The following EXOC2 variants were observed in gnomAD, a reference collection of about 807,000 sequenced individuals.
EXOC2 encodes SEC5-like 1.
EXOC2 carries 70 observed loss-of-function variants against 131.8 expected under a neutral mutation model. The ratio of observed to expected loss-of-function variants is 0.53; its 90% CI spans 0.44 to 0.65. The LOEUF is 0.65. Ranked by LOEUF, EXOC2 falls within the 30% of genes least tolerant of loss-of-function variation. The pLI is 0.00. For missense variants in EXOC2, 923 were observed against 1,108.6 expected, an observed-to-expected ratio of 0.83 and a Z score of 2.38; for synonymous variants, 411 against 398.4, an observed-to-expected ratio of 1.03 and a Z score of -0.38.
In EXOC2 at chr6:485,210, A is replaced by T. The variant is rs566405779; in HGVS notation, c.*1461T>A. ...CTGTAGTAGATATTTAAAATATCAC[A>T]AACATTCATGATTGCAGTTTTTAAA... On this transcript the variant is annotated 3_prime_UTR_variant, in exon 28 of 28. Transcript: ENST00000230449. The T allele has an allele frequency of 2.8e-4, 43 of 152,380 alleles. No individual in the cohort carries two copies. Among genetic ancestry groups the T allele is most frequent in the African/African-American group, 9.6e-4 (40 of 41,598 alleles). The allele number at this position is 152,380 out of a possible 1,614,324, so 9.4% of individuals were successfully genotyped here. A position where few individuals can be genotyped will look rare whatever the true frequency, so the allele number is the denominator to read the frequency against.
chr6:592,773 C>T (rs1360250209), intron 10 of EXOC2, among the ~76,000 whole-genome samples, 186 bp from the exon 11 acceptor site: 2 of 152,102 alleles, frequency 1.3e-5, no homozygotes, highest in Non-Finnish European at 2.9e-5. Flanking sequence ...TGCCTGTAAT[C>T]CCAGCACTTT....
intron 22 of EXOC2, among the ~76,000 whole-genome samples, chr6:542,431 G>A (rs1429464179): frequency 3.9e-5 from 6 of 152,172 alleles, no homozygotes; most frequent in Admixed American, 6.5e-5. Context: ...CTTGCACTTC[G>A]GGAATGGAGG....
intron 12 of EXOC2, among the ~76,000 whole-genome samples, chr6:575,083 C>G (rs1233571983): frequency 6.6e-6 from 1 of 152,232 alleles, no homozygotes; most frequent in Admixed American, 6.5e-5. Context: ...CCCAATGTTG[C>G]AGGAGGGCCA....
chr6:670,643 T>C (rs1304660886), intron 1 of EXOC2, among the ~76,000 whole-genome samples: 1 of 152,238 alleles, frequency 6.6e-6, no homozygotes, highest in Non-Finnish European at 1.5e-5. Flanking sequence ...TTTTGACTTT[T>C]AAAAACTCAT....
intron 1 of EXOC2, among the ~76,000 whole-genome samples, chr6:687,171 CTTTTTTTTTT>C (rs762736216): frequency 1.3e-5 from 1 of 78,366 alleles, no homozygotes; most frequent in Middle Eastern, 0.016. Flanking sequence ...AAATAATATT[CTTTTTTTTTT>C]TTTTTTTTTT....
At chr6:656,836 C>A (rs1283712688) in intron 1 of EXOC2, 3 of 1,610,566 alleles carry the variant, frequency 1.9e-6, no homozygotes. Flanking sequence ...CACAGGCTGT[C>A]AGGGCGCACG....
chr6:587,248 AT>A (rs199775367), intron 11 of EXOC2, among the ~76,000 whole-genome samples: 5,217 of 145,638 alleles, frequency 0.036, 276 homozygotes, highest in African/African-American at 0.12. Flanking sequence ...AGATATGTGT[AT>A]TTTTTTTTTT....
At chr6:678,439 C>A (rs928266178) in intron 1 of EXOC2, among the ~76,000 whole-genome samples, 2 of 152,200 alleles carry the variant, frequency 1.3e-5, no homozygotes, top group African/African-American at 2.4e-5. Flanking sequence ...ATTCATGCAT[C>A]AAAAACCAAC....
intron 11 of EXOC2, among the ~76,000 whole-genome samples, chr6:584,066 T>C (rs1048340981): frequency 1.3e-5 from 2 of 152,250 alleles, no homozygotes; most frequent in Non-Finnish European, 2.9e-5. Context: ...AACCTTATTA[T>C]GATAACTTTA....
At chr6:573,207 T>C (rs1444189408) in intron 12 of EXOC2, among the ~76,000 whole-genome samples, 2 of 152,226 alleles carry the variant, frequency 1.3e-5, no homozygotes, top group African/African-American at 4.8e-5. Flanking sequence ...ACTAGAAACG[T>C]TGAAACCTCT....
chr6:661,093 T>C (rs1763406032), intron 1 of EXOC2, among the ~76,000 whole-genome samples: 1 of 151,900 alleles, frequency 6.6e-6, no homozygotes, highest in South Asian at 2.1e-4. Flanking sequence ...AATCCAACAA[T>C]GACAAATAAA....
chr6:551,312 T>G (rs1266427665), intron 21 of EXOC2, among the ~76,000 whole-genome samples: 1 of 152,216 alleles, frequency 6.6e-6, no homozygotes, highest in Non-Finnish European at 1.5e-5. Context: ...TTACCACAGC[T>G]GCTTCCCTTC....
At chr6:545,140 C>CGA (rs1407911263) in intron 22 of EXOC2, among the ~76,000 whole-genome samples, 1 of 104,222 alleles carries the variant, frequency 9.6e-6, no homozygotes, top group African/African-American at 4.1e-5. Context: ...GGCGACAGAG[C>CGA]GAGACTCCGT....
At chr6:576,675 G>C in intron 12 of EXOC2, 82 bp downstream of exon 12, 2 of 1,553,564 alleles carry the variant, frequency 1.3e-6, no homozygotes, top group Non-Finnish European at 1.7e-6. Flanking sequence ...ACACAAATTG[G>C]GGAATTTTCC....
chr6:658,806 C>A (rs571761465), intron 1 of EXOC2, among the ~76,000 whole-genome samples: 1 of 151,206 alleles, frequency 6.6e-6, no homozygotes, highest in Non-Finnish European at 1.5e-5. Flanking sequence ...GGATTACAGG[C>A]GCCTGCCACC....
At chr6:513,056 T>C (rs987245534) in intron 23 of EXOC2, among the ~76,000 whole-genome samples, 2 of 152,234 alleles carry the variant, frequency 1.3e-5, no homozygotes, top group African/African-American at 2.4e-5. Flanking sequence ...CGACTCTATG[T>C]TTCCCAGCTC....
At chr6:490,264 CTA>C (rs2127466759) in intron 26 of EXOC2, among the ~76,000 whole-genome samples, 1 of 152,262 alleles carries the variant, frequency 6.6e-6, no homozygotes, top group Non-Finnish European at 1.5e-5. Context: ...TACTCTAAAA[CTA>C]AGTCAGCAGG....
At chr6:644,128 TTCAAA>T (rs1411994776) in intron 1 of EXOC2, among the ~76,000 whole-genome samples, 4 of 152,108 alleles carry the variant, frequency 2.6e-5, no homozygotes, top group Non-Finnish European at 5.9e-5. Context: ...TATGAATTAT[TTCAAA>T]AAGCAAAAGA....
chr6:589,176 T>A (rs984433916), intron 11 of EXOC2, among the ~76,000 whole-genome samples: 10 of 152,236 alleles, frequency 6.6e-5, no homozygotes, highest in African/African-American at 2.4e-4. Context: ...ACTGCATTCA[T>A]CACCACCTTT....
Sources: allele counts gnomAD v4.1 joint callset (sites outside exome capture counted in the v4.1 genomes callset), GRCh38; gene constraint gnomAD v4.1.1; transcripts MANE v1.5; gene names NCBI Gene and HGNC (gene_info 2026-07-23, HGNC 2026-07-21).